ADD2: variants seen among roughly 807,000 people sequenced by gnomAD.
ADD2 encodes adducin 2, also known as beta-adducin.
A neutral mutation model predicts 83.0 loss-of-function variants in ADD2; 23 were observed. The observed-to-expected ratio is 0.28, with a 90% CI of 0.20 to 0.39. ADD2 has a LOEUF of 0.39. ADD2 is among the 10% of genes least tolerant of loss of function. ADD2 has a pLI of 1.00. For synonymous variants in ADD2, 375 were observed against 375.4 expected (o/e 1.00, Z 0.01); for missense variants, 758 against 944.9 (o/e 0.80, Z 2.59).
chr2:70,668,952 G>A (rs905149428), intron 15 of ADD2, among the ~76,000 whole-genome samples: 15 of 152,186 alleles, frequency 9.9e-5, no homozygotes, highest in African/African-American at 3.4e-4. Context: ...AAGGAGAACT[G>A]GTCACTGCCA....
At chr2:70,728,802 C>T (rs1461873099) in intron 1 of ADD2, among the ~76,000 whole-genome samples, 1 of 152,236 alleles carries the variant, frequency 6.6e-6, no homozygotes, top group East Asian at 1.9e-4. Flanking sequence ...CCTCCTCCTA[C>T]CCACACACAG....
chr2:70,727,486 C>G (rs540375524), intron 1 of ADD2, among the ~76,000 whole-genome samples: 2 of 152,228 alleles, frequency 1.3e-5, no homozygotes, highest in South Asian at 4.2e-4. Context: ...GTAGATGAGT[C>G]AGGACAAAAA....
chr2:70,665,834 C>G (rs56151228), intron 15 of ADD2, among the ~76,000 whole-genome samples: 1 of 144,716 alleles, frequency 6.9e-6, no homozygotes, highest in Non-Finnish European at 1.5e-5. Flanking sequence ...TTTTTTTTCC[C>G]GAAACAGTCC....
chr2:70,700,651 T>C (rs150148808), intron 4 of ADD2, among the ~76,000 whole-genome samples: 2 of 152,162 alleles, frequency 1.3e-5, no homozygotes, highest in African/African-American at 2.4e-5. Context: ...AATCCAAGAA[T>C]TGGCTTATGT....
chr2:70,743,162 C>A (rs1674009871), intron 1 of ADD2, among the ~76,000 whole-genome samples: 1 of 152,140 alleles, frequency 6.6e-6, no homozygotes, highest in South Asian at 2.1e-4. Flanking sequence ...TCAGTACGGT[C>A]AATATTGGCT....
intron 4 of ADD2, 58 bp downstream of exon 4, chr2:70,704,263 T>TGGCCCCCCCCCCCCCAC: frequency 1.1e-6 from 1 of 913,238 alleles, no homozygotes; most frequent in Non-Finnish European, 1.7e-6. Flanking sequence ...CTCCCTCTCT[T>TGGCCCCCCCCCCCCCAC]CCCCACCCCA....
At chr2:70,762,913 C>T (rs1025832998) in intron 1 of ADD2, among the ~76,000 whole-genome samples, 51 of 151,588 alleles carry the variant, frequency 3.4e-4, no homozygotes, top group South Asian at 8.3e-4. Flanking sequence ...ACCATGTTGG[C>T]CAGGCTGGTC....
At chr2:70,748,645 C>A (rs1235319132) in intron 1 of ADD2, among the ~76,000 whole-genome samples, 1 of 152,200 alleles carries the variant, frequency 6.6e-6, no homozygotes, top group Non-Finnish European at 1.5e-5. Flanking sequence ...ACAAGGTCCT[C>A]TGAGCCACTC....
chr2:70,664,937 TAA>T (rs1284063599), intron 15 of ADD2, among the ~76,000 whole-genome samples: 5 of 151,958 alleles, frequency 3.3e-5, no homozygotes, highest in African/African-American at 1.2e-4. Context: ...TGTGTTTGTG[TAA>T]GTGTGTGTGA....
At chr2:70,708,132 A>T (rs1671998287) in intron 2 of ADD2, among the ~76,000 whole-genome samples, 1 of 152,188 alleles carries the variant, frequency 6.6e-6, no homozygotes, top group Non-Finnish European at 1.5e-5. Flanking sequence ...GTGAGGGGAG[A>T]ATGATGCCAT....
chr2:70,750,787 G>C (rs1388357719), intron 1 of ADD2, among the ~76,000 whole-genome samples: 1 of 152,076 alleles, frequency 6.6e-6, no homozygotes, highest in South Asian at 2.1e-4. Flanking sequence ...CCATGTAAAG[G>C]CAGCCCTGGG....
chr2:70,677,436 AAC>A (rs1471185635), intron 12 of ADD2, among the ~76,000 whole-genome samples: 2 of 152,268 alleles, frequency 1.3e-5, no homozygotes, highest in Non-Finnish European at 2.9e-5. Flanking sequence ...TCCGGAAACA[AAC>A]ACAGCAATCT....
At position 70,699,821 on chromosome 2, in the gene ADD2, C is replaced by T. The variant is rs561135219; in HGVS notation, c.323-3425G>A. On this transcript the variant is annotated intron_variant, in intron 4 of 15. Transcript: ENST00000264436. ...AAACCCCACTAAAATAAAGTGGCTC[C>T]AAAAAGGTAAAAATAAAAGGAAGAT... 2.6e-5 allele frequency among the ~76,000 whole-genome samples: 4 copies of T among 152,058 alleles called. No homozygotes were observed. In the South Asian group the frequency reaches 8.3e-4, roughly 32 times the overall value.
intron 8 of ADD2, 21 bp downstream of exon 8, chr2:70,690,765 T>C (rs1553371397): frequency 6.2e-7 from 1 of 1,604,828 alleles, no homozygotes; most frequent in Admixed American, 1.7e-5. Flanking sequence ...TAGATTATTG[T>C]CCCAGAAGAG....
rs1217024902 is a variant in ADD2 at position 70,657,137 on chromosome 2, G to T, written c.*6288C>A. On this transcript the variant is annotated 3_prime_UTR_variant, in exon 16 of 16. Coordinates refer to ENST00000264436, the MANE Select transcript of ADD2 (RefSeq NM_001617.4). ...GAGAAAGGCAAAACCATCTGTGGGG[G>T]TGATGCATACTCAAGGGGGCCGGCA... is the stretch of plus-strand genomic sequence containing the variant. 2.0e-5 allele frequency: 3 copies of T among 152,100 alleles called. No homozygotes were observed. Among genetic ancestry groups the T allele is most frequent in the African/African-American group, 7.2e-5 (3 of 41,400 alleles). The allele number at this position is 152,100 out of a possible 1,614,324, so 9.4% of individuals were successfully genotyped here.
At chr2:70,704,263 T>TGGCCCCCCCC in intron 4 of ADD2, 58 bp downstream of exon 4, 81 of 913,218 alleles carry the variant, frequency 8.9e-5, no homozygotes, top group Middle Eastern at 2.9e-4. Context: ...CTCCCTCTCT[T>TGGCCCCCCCC]CCCCACCCCA....
intron 1 of ADD2, among the ~76,000 whole-genome samples, chr2:70,723,607 C>T (rs191205987): frequency 1.3e-5 from 2 of 152,278 alleles, no homozygotes; most frequent in East Asian, 1.9e-4. Flanking sequence ...TCCACTTTTC[C>T]GTCTGAGCAG....
chr2:70,678,222 T>C (rs1187217381), intron 11 of ADD2, among the ~76,000 whole-genome samples: 2 of 152,242 alleles, frequency 1.3e-5, no homozygotes, highest in African/African-American at 4.8e-5. Context: ...TATTGTTTTA[T>C]GAAGAGCTAT....
intron 9 of ADD2, among the ~76,000 whole-genome samples, chr2:70,685,608 C>G (rs1332885192): frequency 6.6e-6 from 1 of 152,132 alleles, no homozygotes. Flanking sequence ...CCTCAGTTTC[C>G]TCTAAAATGA....
Sources: gnomAD v4.1 joint callset for allele counts (sites outside exome capture counted in the v4.1 genomes callset) on GRCh38, gnomAD v4.1.1 for gene constraint, MANE v1.5 for transcripts, NCBI Gene and HGNC (gene_info 2026-07-23, HGNC 2026-07-21) for gene names.